The following LRFN2 variants were observed in gnomAD, a reference collection of about 807,000 sequenced individuals.
LRFN2 encodes leucine rich repeat and fibronectin type III domain containing 2.
LRFN2 carries 18 observed loss-of-function variants against 37.3 expected under a neutral mutation model. That is an observed-to-expected ratio of 0.48 (90% confidence interval 0.33 to 0.72). The LOEUF is 0.72. LRFN2 is among the 30% of genes least tolerant of loss of function. LRFN2 has a pLI of 0.02. For missense variants in LRFN2, 1,006 were observed against 1,060.7 expected (o/e 0.95, Z 0.72); for synonymous variants, 556 against 466.6 (o/e 1.19, Z -2.47).
At chr6:40,574,105 G>T (rs1446120303) in intron 1 of LRFN2, among the ~76,000 whole-genome samples, 1 of 152,212 alleles carries the variant, frequency 6.6e-6, no homozygotes, top group East Asian at 1.9e-4. Flanking sequence ...TTTCACATGT[G>T]CAGGGAGGTA....
At chr6:40,458,258 T>TA (rs1186326005) in intron 1 of LRFN2, among the ~76,000 whole-genome samples, 1 of 152,236 alleles carries the variant, frequency 6.6e-6, no homozygotes, top group African/African-American at 2.4e-5. Flanking sequence ...CACGAATGTA[T>TA]AAATTATGCC....
intron 1 of LRFN2, among the ~76,000 whole-genome samples, chr6:40,492,020 G>A (rs1765105551): frequency 7.0e-6 from 1 of 142,220 alleles, no homozygotes; most frequent in Non-Finnish European, 1.5e-5. Flanking sequence ...TACCCTCTCT[G>A]AGTGTCTGTT....
At chr6:40,436,493 GTTT>G (rs11326625) in intron 1 of LRFN2, among the ~76,000 whole-genome samples, 44 of 148,722 alleles carry the variant, frequency 3.0e-4, no homozygotes, top group Non-Finnish European at 5.2e-4. Context: ...TAGGATATGT[GTTT>G]TTTTTTTTCA....
chr6:40,522,541 C>A (rs1479119895), intron 1 of LRFN2, among the ~76,000 whole-genome samples: 1 of 152,182 alleles, frequency 6.6e-6, no homozygotes, highest in African/African-American at 2.4e-5. Flanking sequence ...GCTCTCTGCA[C>A]CTCCCTCATC....
intron 1 of LRFN2, among the ~76,000 whole-genome samples, chr6:40,441,119 C>T (rs1333471811): frequency 6.6e-6 from 1 of 152,198 alleles, no homozygotes; most frequent in Non-Finnish European, 1.5e-5. Flanking sequence ...CCTCAGTTCA[C>T]GTGCCAATGA....
chr6:40,434,316 A>G (rs1331302383), intron 1 of LRFN2, among the ~76,000 whole-genome samples: 1 of 152,106 alleles, frequency 6.6e-6, no homozygotes, highest in African/African-American at 2.4e-5. Flanking sequence ...CAGTTTCCTC[A>G]CTATCCCATG....
intron 2 of LRFN2, among the ~76,000 whole-genome samples, chr6:40,395,248 A>G (rs1762590357): frequency 6.6e-6 from 1 of 152,192 alleles, no homozygotes; most frequent in Non-Finnish European, 1.5e-5. Context: ...GATCTGCCTG[A>G]GGTCACACAG....
chr6:40,411,742 C>A lies in LRFN2; in HGVS notation c.1401-18830G>T, dbSNP rs528495208. Among the ~76,000 whole-genome samples, 7 of 152,082 alleles carry A rather than the reference C, an allele frequency of 4.6e-5. No individual in the cohort carries two copies. In the South Asian group the frequency reaches 1.5e-3, roughly 32 times the overall value. On this transcript the variant is annotated intron_variant, in intron 2 of 2. Coordinates refer to ENST00000338305, the MANE Select transcript of LRFN2 (RefSeq NM_020737.3). ...CTCAAATCCCACCTTCTCGGTGAGG[C>A]CTGCCCTGGACACGCTAGCTAATAT...
intron 1 of LRFN2, among the ~76,000 whole-genome samples, chr6:40,466,026 A>G (rs907578459): frequency 4.6e-5 from 7 of 152,188 alleles, no homozygotes; most frequent in African/African-American, 1.7e-4. Flanking sequence ...AGAATATGGC[A>G]AGAAAGAGAA....
intron 1 of LRFN2, among the ~76,000 whole-genome samples, chr6:40,537,412 C>T (rs1044366485): frequency 2.0e-5 from 3 of 152,204 alleles, no homozygotes; most frequent in Non-Finnish European, 4.4e-5. Context: ...CCCCACCAGT[C>T]ACAACCAACC....
chr6:40,402,139 G>A (rs976669372), intron 2 of LRFN2, among the ~76,000 whole-genome samples: 2 of 152,222 alleles, frequency 1.3e-5, no homozygotes, highest in African/African-American at 2.4e-5. Context: ...GGAGATGAGT[G>A]TTGTTCCATC....
rs1327083762 is a variant in LRFN2 at position 40,392,463 on chromosome 6, C to T, written c.1850G>A (p.Arg617His). ...GCTGGAGGAAGAGGAGTCACTGGCG[C>T]GGGCCAGGCTGGCGGTGAAGTCCAG... ...ELLDFTASLA[R>H]ASDSSSSSSL... The change falls in exon 3 of 3, where the codon CGC becomes CAC. Residue 617 changes from arginine (R) to histidine (H), a missense_variant. By Grantham distance (29) the Arg-to-His change is conservative. Coordinates refer to ENST00000338305, the MANE Select transcript of LRFN2 (RefSeq NM_020737.3). This position sits in a 1 kb window ranked among gnomAD's most constrained non-coding sequence, Gnocchi z 4.7. 21 of 1,568,332 alleles carry T rather than the reference C, an allele frequency of 1.3e-5. No homozygotes were observed. Among genetic ancestry groups the T allele is most frequent in the South Asian group, 3.5e-5 (3 of 86,804 alleles).
chr6:40,484,297 C>T (rs867430272), intron 1 of LRFN2, among the ~76,000 whole-genome samples: 1 of 152,188 alleles, frequency 6.6e-6, no homozygotes, highest in Non-Finnish European at 1.5e-5. Context: ...GAGGCCTCTG[C>T]CAAGCTGTGT....
rs774663203 is a variant in LRFN2, at chr6:40,432,610, G to A, written c.504C>T (p.Ser168=). The change falls in exon 2 of 3, where the codon TCC becomes TCT. Residue 168 remains serine (S), a synonymous_variant. Coordinates refer to ENST00000338305, the MANE Select transcript of LRFN2 (RefSeq NM_020737.3). The stretch of plus-strand genomic sequence containing the variant: ...GGTGGAGGTTGACCATGCGTCGCAC[G>A]GAGTCCCACGGCAGGCCATGGAGGT... ...YNNLHGLPWD[S]VRRMVNLHQL... The A allele has an allele frequency of 1.1e-5, 17 of 1,614,080 alleles. No homozygotes were observed. Among genetic ancestry groups the A allele is most frequent in the South Asian group, 8.8e-5 (8 of 91,092 alleles).
chr6:40,555,754 C>T (rs537592009), intron 1 of LRFN2, among the ~76,000 whole-genome samples: 63 of 152,232 alleles, frequency 4.1e-4, no homozygotes, highest in Middle Eastern at 3.4e-3. Flanking sequence ...AGCCTTGCCA[C>T]ACTGAGTAGA....
chr6:40,448,836 G>A (rs556323346), intron 1 of LRFN2, among the ~76,000 whole-genome samples: 51 of 152,340 alleles, frequency 3.3e-4, no homozygotes, highest in Admixed American at 2.9e-3. Flanking sequence ...AGATTGAATG[G>A]AGGAGGCTGG....
chr6:40,556,275 G>T (rs1401953418), intron 1 of LRFN2, among the ~76,000 whole-genome samples: 3 of 152,190 alleles, frequency 2.0e-5, no homozygotes, highest in African/African-American at 7.2e-5. Flanking sequence ...TAGCAGCAGG[G>T]ACCCAGCCCC....
At chr6:40,569,420 G>C (rs1767147834) in intron 1 of LRFN2, among the ~76,000 whole-genome samples, 1 of 152,158 alleles carries the variant, frequency 6.6e-6, no homozygotes, top group Non-Finnish European at 1.5e-5. Context: ...GGCCAACAGG[G>C]TGTGGACTAG....
At chr6:40,446,686 G>T (rs1763977227) in intron 1 of LRFN2, among the ~76,000 whole-genome samples, 1 of 152,236 alleles carries the variant, frequency 6.6e-6, no homozygotes, top group South Asian at 2.1e-4. Flanking sequence ...TCTATTAAAG[G>T]CAAGACAGTC....
Sources: allele counts gnomAD v4.1 joint callset (sites outside exome capture counted in the v4.1 genomes callset), GRCh38; gene constraint gnomAD v4.1.1; non-coding constraint Gnocchi (gnomAD v3.1); transcripts MANE v1.5; gene names NCBI Gene and HGNC (gene_info 2026-07-23, HGNC 2026-07-21).